Variants in CMTM1 observed in about 807,000 individuals in gnomAD.
The protein encoded by CMTM1 is CKLF like MARVEL transmembrane domain containing 1.
Under a neutral mutation model 17.8 loss-of-function variants are expected in CMTM1, and 16 were observed. That is an observed-to-expected ratio of 0.90 (90% CI 0.61 to 1.37). The LOEUF (loss-of-function observed/expected upper bound fraction) is 1.37. Ranked by LOEUF, CMTM1 falls within the 40% of genes most tolerant of loss-of-function variation. The pLI is 0.00. For missense variants in CMTM1, 354 were observed against 375.6 expected (o/e 0.94, Z 0.47); for synonymous variants, 169 against 154.6 (o/e 1.09, Z -0.69).
chr16:66,570,143 C>G, intron 2 of CMTM1, 49 bp downstream of exon 2: 1 of 1,472,298 alleles, frequency 6.8e-7, no homozygotes. Flanking sequence ...TGCCCTCAGC[C>G]CCAGAGTAAG....
rs1055252758 is a variant in CMTM1 at position 66,577,299 on chromosome 16, T to C, written c.690+97T>C. On this transcript the variant is annotated intron_variant, in intron 3 of 3. Transcript: ENST00000379500. ...CCATTATATCATTAACCAAGCAAAA[T>C]CCCCACTGCCACCCACTCTCCTTCT... The C allele has an allele frequency of 4.5e-6, 4 of 888,054 alleles. No individual in the cohort carries two copies. In the African/African-American group the frequency reaches 6.7e-5, roughly 15 times the overall value. The allele number at this position is 888,054 out of a possible 1,614,324, so 55.0% of individuals were successfully genotyped here. A position where few individuals can be genotyped will look rare whatever the true frequency, so the allele number is the denominator to read the frequency against.
intron 2 of CMTM1, among the ~76,000 whole-genome samples, chr16:66,572,251 G>A (rs1450479636): frequency 6.6e-6 from 1 of 152,172 alleles, no homozygotes; most frequent in African/African-American, 2.4e-5. Flanking sequence ...GACACATACT[G>A]AGCAACCACA....
Position 66,574,014 on chromosome 16 carries a change from G to GT in CMTM1, c.592-3078dup, listed in dbSNP as rs149161047. 8.9e-3 allele frequency among the ~76,000 whole-genome samples: 1,246 copies of GT among 140,662 alleles called. 10 individuals are homozygous for GT. Among genetic ancestry groups the GT allele is most frequent in the African/African-American group, 0.026 (998 of 38,598 alleles). 92.3% of individuals were successfully genotyped at this position (140,662 alleles called of 152,430 possible). On this transcript the variant is annotated intron_variant, in intron 2 of 3. Coordinates refer to ENST00000379500, the MANE Select transcript of CMTM1 (RefSeq NM_052999.4). ...TTTAACTTTTTTCCTAATATTCAGT[G>GT]TTTTTTTTTTTTAATAATAAGCACT...
intron 2 of CMTM1, among the ~76,000 whole-genome samples, chr16:66,571,655 A>G (rs1298738373): frequency 5.3e-5 from 8 of 152,174 alleles, no homozygotes; most frequent in Non-Finnish European, 1.5e-5. Flanking sequence ...TTCTTAAAAT[A>G]CAGCACCAAA....
At position 66,566,462 on chromosome 16, in the gene CMTM1, G is replaced by A. The variant is rs1056798262; in HGVS notation, c.-52G>A. 1,191 of 1,510,290 alleles carry A rather than the reference G, an allele frequency of 7.9e-4. 6 individuals are homozygous for A. In the African/African-American group the frequency reaches 0.012, roughly 16 times the overall value. The allele number at this position is 1,510,290 out of a possible 1,614,324, so 93.6% of individuals were successfully genotyped here. A position where few individuals can be genotyped will look rare whatever the true frequency, so the allele number is the denominator to read the frequency against. Reference sequence around the variant, plus strand: ...ACGCGACGCTGGTTCCCAGGGGAGAGCCAGCCGCTGCCGCGGCACTGGTTC... The same window carrying A: ...ACGCGACGCTGGTTCCCAGGGGAGAACCAGCCGCTGCCGCGGCACTGGTTC... On this transcript the variant is annotated 5_prime_UTR_variant, in exon 1 of 4. Coordinates refer to ENST00000379500, the MANE Select transcript of CMTM1 (RefSeq NM_052999.4). The surrounding 1 kb of genome is among the most constrained non-coding windows in gnomAD (Gnocchi z 4.9).
chr16:66,572,887 CTG>C (rs2144646693), intron 2 of CMTM1, among the ~76,000 whole-genome samples: 1 of 152,314 alleles, frequency 6.6e-6, no homozygotes, highest in Non-Finnish European at 1.5e-5. Context: ...GGGAGACAGA[CTG>C]TGATACATCA....
At chr16:66,573,271 C>A (rs141161813) in intron 2 of CMTM1, among the ~76,000 whole-genome samples, 2 of 152,086 alleles carry the variant, frequency 1.3e-5, no homozygotes, top group Admixed American at 6.6e-5. Context: ...AAATTTAAAC[C>A]CATTTTTACC....
At chr16:66,575,084 G>T (rs2014067135) in intron 2 of CMTM1, 1 of 985,422 alleles carries the variant, frequency 1.0e-6, no homozygotes, top group Non-Finnish European at 1.2e-6. Flanking sequence ...CCCTGTTCCA[G>T]CATTAACTAC....
chr16:66,577,267 G>T (rs2014362612), intron 3 of CMTM1, 65 bp downstream of exon 3: 1 of 1,376,038 alleles, frequency 7.3e-7, no homozygotes, highest in Non-Finnish European at 1.0e-6. Flanking sequence ...AGGGAAATTG[G>T]CAGACCCCAT....
In CMTM1 at chr16:66,577,128, G is replaced by C; in HGVS notation, c.616G>C (p.Ala206Pro). The C allele has an allele frequency of 6.2e-7, 1 of 1,613,978 alleles. No homozygotes were observed. The highest frequency in any genetic ancestry group is 1.6e-4 in the Middle Eastern group (1 of 6,062). ...LLDLTNSIIT[A>P]VFLSVVAILA... is the part of the protein sequence containing the mutation. The stretch of plus-strand genomic sequence containing the variant: ...GGATCTTACCAACAGTATCATTACA[G>C]CTGTGTTCCTTTCAGTAGTTGCCAT... The change falls in exon 3 of 4, where the codon GCT (alanine) becomes CCT (proline). Residue 206 changes from alanine (A) to proline (P), a missense_variant. By Grantham distance (27) the Ala-to-Pro change is conservative. Coordinates refer to ENST00000379500, the MANE Select transcript of CMTM1 (RefSeq NM_052999.4).
In CMTM1 at chr16:66,570,132, T is replaced by A. The variant is rs557359715; in HGVS notation, c.591+38T>A. Reference sequence around the variant, plus strand: ...TTTTACAATTCTTCAAATCCAAGCTTTGCCCTCAGCCCCAGAGTAAGGGCT... The same window carrying A: ...TTTTACAATTCTTCAAATCCAAGCTATGCCCTCAGCCCCAGAGTAAGGGCT... On this transcript the variant is annotated intron_variant, in intron 2 of 3. Transcript: ENST00000379500. 4.6e-6 allele frequency: 7 copies of A among 1,537,396 alleles called. No individual in the cohort carries two copies. In the Admixed American group the frequency reaches 1.2e-4, roughly 26 times the overall value.
At chr16:66,574,609 G>A (rs2013997008) in intron 2 of CMTM1, among the ~76,000 whole-genome samples, 1 of 152,236 alleles carries the variant, frequency 6.6e-6, no homozygotes, top group Admixed American at 6.5e-5. Context: ...GTTCAGGAGA[G>A]CGCTTCTTTG....
chr16:66,573,029 C>T (rs1310976749), intron 2 of CMTM1, among the ~76,000 whole-genome samples: 1 of 152,144 alleles, frequency 6.6e-6, no homozygotes. Context: ...GACCCATACT[C>T]AGTCTCTGAG....
Position 66,566,952 on chromosome 16 carries a change from G to A in CMTM1, c.432+7G>A, listed in dbSNP as rs761963655. 37 of 1,613,938 alleles carry A rather than the reference G, an allele frequency of 2.3e-5. No individual in the cohort carries two copies. The South Asian group carries it at 3.2e-4, about 14-fold the overall frequency. The stretch of plus-strand genomic sequence containing the variant: ...GTTGAAGATCCTGAGACTGGTGAGC[G>A]GAGAGCTGGTGAGACCTAGCTGGGC... On this transcript the variant is annotated splice_region_variant and intron_variant, in intron 1 of 3. Transcript: ENST00000379500. This position sits in a 1 kb window ranked among gnomAD's most constrained non-coding sequence, Gnocchi z 4.9.
chr16:66,568,821 G>A (rs2013029685), intron 1 of CMTM1, among the ~76,000 whole-genome samples: 2 of 151,704 alleles, frequency 1.3e-5, no homozygotes, highest in Non-Finnish European at 2.9e-5. Context: ...AGGAAGCAGA[G>A]GTTGCAGTGA....
At chr16:66,577,455 CTA>C (rs1440914630) in intron 3 of CMTM1, among the ~76,000 whole-genome samples, 1 of 152,168 alleles carries the variant, frequency 6.6e-6, no homozygotes, top group African/African-American at 2.4e-5. Context: ...ATTGTGGACA[CTA>C]TTTTTGAAAT....
At chr16:66,574,662 A>T (rs1447579924) in intron 2 of CMTM1, among the ~76,000 whole-genome samples, 1 of 152,226 alleles carries the variant, frequency 6.6e-6, no homozygotes, top group Non-Finnish European at 1.5e-5. Context: ...TAGTCCAACA[A>T]GGAGATAAAA....
intron 2 of CMTM1, chr16:66,571,114 G>T (rs1410805883): frequency 2.2e-6 from 1 of 454,766 alleles, no homozygotes; most frequent in South Asian, 1.6e-5. Flanking sequence ...CTCAAAGGCT[G>T]CTGAGCTCTC....
In CMTM1 at chr16:66,566,802, T is replaced by A; in HGVS notation, c.289T>A (p.Ser97Thr). 3 of 1,611,834 alleles carry A rather than the reference T, an allele frequency of 1.9e-6. No individual in the cohort carries two copies. The highest frequency in any genetic ancestry group is 2.5e-6 in the Non-Finnish European group (3 of 1,179,232). ...PKPTLPPPTP[S>T]AHTESKLLNE... ...GCCCACACTCCCACCCCCCACGCCC[T>A]CTGCACACACTGAATCCAAACTCTT... Residue 97 changes from serine to threonine, a missense_variant, in exon 1 of 4, where the codon TCT becomes ACT. Ser to Thr is a moderately conservative substitution (Grantham distance 58, BLOSUM62 1). Transcript: ENST00000379500. This position sits in a 1 kb window ranked among gnomAD's most constrained non-coding sequence, Gnocchi z 4.9.
Sources: allele counts gnomAD v4.1 joint callset (sites outside exome capture counted in the v4.1 genomes callset), GRCh38; gene constraint gnomAD v4.1.1; non-coding constraint Gnocchi (gnomAD v3.1); transcripts MANE v1.5; gene names NCBI Gene and HGNC (gene_info 2026-07-23, HGNC 2026-07-21).